GBP7: variants seen among roughly 807,000 people sequenced by gnomAD.
GBP7 encodes the protein guanylate binding protein 7.
In GBP7, 43 loss-of-function variants were observed where a neutral mutation model predicts 61.3. That is an observed-to-expected ratio of 0.70 (90% CI 0.55 to 0.91). The LOEUF (loss-of-function observed/expected upper bound fraction) is 0.91, where lower values mean the gene tolerates loss of function less well. GBP7 is among the 40% of genes least tolerant of loss of function. The probability of loss-of-function intolerance (pLI) is 0.00; values close to 1 mark genes in which losing one functional copy is unlikely to be tolerated. For missense variants in GBP7, 717 were observed against 740.5 expected (o/e 0.97, Z 0.37); for synonymous variants, 267 against 271.0 (o/e 0.99, Z 0.14).
At chr1:89,152,578 G>A (rs1358077265) in intron 4 of GBP7, 90 bp downstream of exon 4, 1 of 1,502,438 alleles carries the variant, frequency 6.7e-7, no homozygotes, top group African/African-American at 1.4e-5. Context: ...ACTCAACCAG[G>A]ACAACTGAGT....
intron 8 of GBP7, among the ~76,000 whole-genome samples, chr1:89,142,913 G>A (rs771291636): frequency 3.5e-4 from 53 of 152,028 alleles, no homozygotes; most frequent in Non-Finnish European, 3.5e-4. Context: ...GATATAGTAC[G>A]CCATTATGTG....
At chr1:89,175,454 C>T (rs1647716311) in intron 1 of GBP7, among the ~76,000 whole-genome samples, 1 of 152,192 alleles carries the variant, frequency 6.6e-6, no homozygotes, top group African/African-American at 2.4e-5. Flanking sequence ...GTAGCATATA[C>T]TATGCTACCA....
intron 8 of GBP7, among the ~76,000 whole-genome samples, chr1:89,144,669 A>G (rs1223242652): frequency 1.3e-5 from 2 of 152,330 alleles, no homozygotes; most frequent in East Asian, 3.9e-4. Flanking sequence ...ACATGTATAC[A>G]TTGTGAAATG....
At chr1:89,136,215 G>A (rs1681796996) in intron 9 of GBP7, among the ~76,000 whole-genome samples, 1 of 152,064 alleles carries the variant, frequency 6.6e-6, no homozygotes, top group Non-Finnish European at 1.5e-5. Flanking sequence ...AATAATAGTT[G>A]GAGTCTTCAA....
intron 9 of GBP7, among the ~76,000 whole-genome samples, chr1:89,136,463 G>A (rs1237745091): frequency 6.6e-6 from 1 of 151,876 alleles, no homozygotes; most frequent in Non-Finnish European, 1.5e-5. Context: ...TACCAATGCT[G>A]TCAGACCACA....
In GBP7 at chr1:89,147,637, T is replaced by C; in HGVS notation, c.1295A>G (p.His432Arg). The C allele has an allele frequency of 6.2e-7, 1 of 1,614,172 alleles. No homozygotes were observed. The highest frequency in any genetic ancestry group is 8.5e-7 in the Non-Finnish European group (1 of 1,180,014). Residue 432 changes from histidine (H) to arginine (R), a missense_variant, in exon 8 of 11, where the codon CAC becomes CGC. Around this residue, in one of 3 missense-constraint regions of GBP7, gnomAD observed 312 missense variants for 310.1 expected, o/e 1.01. Transcript: ENST00000294671. Reference sequence around the variant, plus strand: ...CTTTTTTGCTTCTAAGTAGATATTGTGCCCCCCCGGAACAAAGAAAGTTCC... The same window carrying C: ...CTTTTTTGCTTCTAAGTAGATATTGCGCCCCCCCGGAACAAAGAAAGTTCC... ...SRGTFFVPGG[H>R]NIYLEAKKKI...
At chr1:89,152,910 C>G (rs949160638) in intron 3 of GBP7, 133 bp from the exon 4 acceptor site, 5 of 546,870 alleles carry the variant, frequency 9.1e-6, no homozygotes, top group Non-Finnish European at 1.5e-5. Context: ...AAAGGAAACA[C>G]AAATGTAAGC....
In GBP7 at chr1:89,147,749, C is replaced by G. The variant is rs1557456472; in HGVS notation, c.1183G>C (p.Val395Leu). Reference protein sequence around the residue: ...DTMEKKKEDFVLQNEEASAKY... With the variant: ...DTMEKKKEDFLLQNEEASAKY... ...GCAGATGCCTCTTCATTCTGCAGCA[C>G]AAAGTCTTCCTTCTTTTTCTCCATG... is the stretch of plus-strand genomic sequence containing the variant. The change falls in exon 8 of 11, where the codon GTG (valine) becomes CTG (leucine). Residue 395 changes from valine to leucine, a missense_variant. Around this residue, in one of 3 missense-constraint regions of GBP7, gnomAD observed 312 missense variants for 310.1 expected, o/e 1.01. Coordinates refer to ENST00000294671, the MANE Select transcript of GBP7 (RefSeq NM_207398.3). The G allele has an allele frequency of 1.2e-6, 2 of 1,614,154 alleles. No individual in the cohort carries two copies. Among genetic ancestry groups the G allele is most frequent in the South Asian group, 1.1e-5 (1 of 91,086 alleles).
rs10710842 is a variant in GBP7, at chr1:89,152,789, G to GA, written c.319-13dup. ...CTCTTAGGGTCACTCTAGTGTTAAA[G>GA]AAAAAAAAAAAAAAAATGGAAGCCA... On this transcript the variant is annotated splice_polypyrimidine_tract_variant and intron_variant, in intron 3 of 10. Coordinates refer to ENST00000294671, the MANE Select transcript of GBP7 (RefSeq NM_207398.3). The GA allele has an allele frequency of 0.031, 38,057 of 1,235,252 alleles. No individual in the cohort carries two copies. The highest frequency in any genetic ancestry group is 0.038 in the South Asian group (2,369 of 61,680). 76.5% of individuals were successfully genotyped at this position (1,235,252 alleles called of 1,614,324 possible).
At chr1:89,134,276 G>T (rs1031266617) in intron 9 of GBP7, among the ~76,000 whole-genome samples, 2 of 152,120 alleles carry the variant, frequency 1.3e-5, no homozygotes, top group Non-Finnish European at 1.5e-5. Context: ...TCTCACCACC[G>T]CTTTGCTGGT....
chr1:89,140,668 T>A (rs990901612), intron 9 of GBP7, among the ~76,000 whole-genome samples: 1 of 152,226 alleles, frequency 6.6e-6, no homozygotes, highest in Non-Finnish European at 1.5e-5. Context: ...AAAACAGAAC[T>A]ATCATTTGAC....
intron 3 of GBP7, among the ~76,000 whole-genome samples, chr1:89,153,572 A>G (rs610963): frequency 0.7 from 106,423 of 152,116 alleles, 37,459 homozygotes; most frequent in East Asian, 0.78. Flanking sequence ...TTGTTCAGCT[A>G]TGTACAAAAT....
chr1:89,157,977 A>G (rs985574493), intron 3 of GBP7, among the ~76,000 whole-genome samples: 6 of 152,194 alleles, frequency 3.9e-5, no homozygotes, highest in African/African-American at 1.2e-4. Flanking sequence ...ATACTGGCAA[A>G]CCAAATCCAG....
intron 2 of GBP7, 83 bp from the exon 3 acceptor site, chr1:89,164,941 G>A (rs1311277191): frequency 8.8e-6 from 12 of 1,368,892 alleles, no homozygotes; most frequent in East Asian, 2.4e-5. Flanking sequence ...GTATAGGAAC[G>A]TTAAGTTCCT....
At chr1:89,172,452 C>A (rs546633806) in intron 1 of GBP7, among the ~76,000 whole-genome samples, 66 of 152,288 alleles carry the variant, frequency 4.3e-4, no homozygotes, top group African/African-American at 1.5e-3. Flanking sequence ...TTTAGAATAG[C>A]ACTGGCCTGT....
At chr1:89,172,638 C>G (rs1647636295) in intron 1 of GBP7, among the ~76,000 whole-genome samples, 1 of 152,014 alleles carries the variant, frequency 6.6e-6, no homozygotes, top group Non-Finnish European at 1.5e-5. Context: ...TAACTTTGAT[C>G]ACTTGGTTAA....
At chr1:89,157,891 C>G (rs562689957) in intron 3 of GBP7, among the ~76,000 whole-genome samples, 19 of 152,248 alleles carry the variant, frequency 1.2e-4, no homozygotes, top group Admixed American at 6.5e-4. Context: ...CAAAGCCGGG[C>G]AGAGACACAA....
intron 3 of GBP7, among the ~76,000 whole-genome samples, chr1:89,163,847 C>CTTT (rs570910409): frequency 3.4e-5 from 5 of 145,940 alleles, no homozygotes; most frequent in African/African-American, 1.3e-4. Flanking sequence ...CTTTTTCTTT[C>CTTT]TTTTTTTTTT....
intron 2 of GBP7, among the ~76,000 whole-genome samples, chr1:89,169,337 C>T (rs577406303): frequency 1.1e-4 from 16 of 152,214 alleles, no homozygotes; most frequent in African/African-American, 3.9e-4. Context: ...GTCAACGAAG[C>T]AAACTTAAAA....
Sources: gnomAD v4.1 joint callset for allele counts (sites outside exome capture counted in the v4.1 genomes callset) on GRCh38, gnomAD v4.1.1 for gene constraint, gnomAD v4.1.1 regional missense constraint, MANE v1.5 for transcripts, NCBI Gene and HGNC (gene_info 2026-07-23, HGNC 2026-07-21) for gene names.